Variants in RPL3 observed in about 807,000 individuals in gnomAD.
RPL3 encodes the protein ribosomal protein L3, also known as large ribosomal subunit protein uL3.
In RPL3, 3 loss-of-function variants were observed where a neutral mutation model predicts 46.0. The ratio of observed to expected loss-of-function variants is 0.07; its 90% CI spans 0.03 to 0.17. RPL3 has a LOEUF of 0.17. Among genes scored for constraint, RPL3 ranks in the 10% least tolerant of loss-of-function variants. RPL3 has a pLI of 1.00. For missense variants in RPL3, 387 were observed against 532.7 expected (o/e 0.73, Z 2.69); for synonymous variants, 224 against 190.8 (o/e 1.17, Z -1.43).
chr22:39,314,495 C>T (rs1922556105), intron 6 of RPL3, 191 bp downstream of exon 6: 3 of 697,190 alleles, frequency 4.3e-6, no homozygotes, highest in Non-Finnish European at 2.3e-6. Context: ...TCAGCCCCAC[C>T]ACAGCCACTC....
intron 4 of RPL3, 105 bp downstream of exon 4, chr22:39,316,601 C>T: frequency 6.8e-7 from 1 of 1,466,566 alleles, no homozygotes; most frequent in South Asian, 1.2e-5. Flanking sequence ...CCTCTGCTGG[C>T]AAGGGAGAAG....
chr22:39,314,144 G>T lies in RPL3; in HGVS notation c.914C>A (p.Thr305Asn). ...GCTCTTGTCAGATAGGTCATAGTCAGTGGAGGCATTGTTCTTGATCAGCTT... is the reference window on the plus strand; with the variant it reads ...GCTCTTGTCAGATAGGTCATAGTCATTGGAGGCATTGTTCTTGATCAGCTT... ...DGKLIKNNAS[T>N]DYDLSDKSIN... is the part of the protein sequence containing the mutation. The change falls in exon 7 of 10, where the codon ACT becomes AAT. Residue 305 changes from threonine to asparagine, a missense_variant. By Grantham distance (65) the Thr-to-Asn change is moderately conservative (BLOSUM62 0). Coordinates refer to ENST00000216146, the MANE Select transcript of RPL3 (RefSeq NM_000967.4). 6.2e-7 allele frequency: 1 copy of T among 1,613,350 alleles called. No homozygotes were observed. Among genetic ancestry groups the T allele is most frequent in the South Asian group, 1.1e-5 (1 of 91,050 alleles).
chr22:39,316,634 C>T (rs1466682209), intron 4 of RPL3, 72 bp downstream of exon 4: 12 of 1,594,840 alleles, frequency 7.5e-6, no homozygotes, highest in South Asian at 1.1e-5. Flanking sequence ...CGTGCGGGCA[C>T]GGGACCCCCA....
At chr22:39,314,052 C>T in intron 7 of RPL3, 55 bp downstream of exon 7, 1 of 1,477,234 alleles carries the variant, frequency 6.8e-7, no homozygotes, top group Non-Finnish European at 9.5e-7. Context: ...AGCAGCCTAT[C>T]CCCAAAAGCA....
chr22:39,319,480 C>A, intron 1 of RPL3, 115 bp downstream of exon 1: 1 of 1,411,008 alleles, frequency 7.1e-7, no homozygotes, highest in Non-Finnish European at 9.8e-7. Context: ...GCTGGGTCGC[C>A]CGTGCCCCTA....
At chr22:39,314,430 C>G (rs532342261) in intron 6 of RPL3, 1 of 625,382 alleles carries the variant, frequency 1.6e-6, no homozygotes, top group Non-Finnish European at 2.8e-6. Flanking sequence ...AGGCCTGTCA[C>G]CCCCCTGGTG....
At chr22:39,314,435 CT>C (rs1383649997) in intron 6 of RPL3, 4 of 626,138 alleles carry the variant, frequency 6.4e-6, no homozygotes, top group Non-Finnish European at 1.1e-5. Context: ...TGTCACCCCC[CT>C]GGTGGTGGCA....
At chr22:39,314,256 C>T in intron 6 of RPL3, 48 bp from the exon 7 acceptor site, 2 of 1,508,976 alleles carry the variant, frequency 1.3e-6, no homozygotes, top group Non-Finnish European at 1.8e-6. Context: ...GGACAAATAA[C>T]CCAGACATGC....
At chr22:39,319,520 G>T in intron 1 of RPL3, 75 bp downstream of exon 1, 4 of 1,547,342 alleles carry the variant, frequency 2.6e-6, no homozygotes, top group Non-Finnish European at 3.5e-6. Context: ...GCCAAGACGG[G>T]ATGGCGGCGA....
rs536032748 is a variant in RPL3, at chr22:39,315,630, G to A, written c.502-75C>T. 173 of 1,550,826 alleles carry A rather than the reference G, an allele frequency of 1.1e-4. 1 individual carries two copies. The highest frequency in any genetic ancestry group is 5.4e-4 in the African/African-American group (40 of 73,752). On this transcript the variant is annotated intron_variant, in intron 4 of 9. Transcript: ENST00000216146. ...CAGCAGAGGAACTGCAGCTCCATGC[G>A]GCCTGATTGATGTCAAGCACACGGC...
intron 4 of RPL3, 97 bp from the exon 5 acceptor site, chr22:39,315,652 C>G (rs1922640754): frequency 7.1e-7 from 1 of 1,413,002 alleles, no homozygotes; most frequent in Admixed American, 2.1e-5. Context: ...GTCAAGCACA[C>G]GGCAAAAAGC....
Position 39,314,234 on chromosome 22 carries a change from C to G in RPL3, c.850-26G>C, listed in dbSNP as rs1194834710. 5 of 1,601,796 alleles carry G rather than the reference C, an allele frequency of 3.1e-6. No homozygotes were observed. In the Admixed American group the frequency reaches 8.3e-5, roughly 27 times the overall value. ...CTGAATGAACAAGAAGGGTGTAAGG[C>G]TGGGGCATTAGGGACAAATAACCCA... On this transcript the variant is annotated intron_variant, in intron 6 of 9. Coordinates refer to ENST00000216146, the MANE Select transcript of RPL3 (RefSeq NM_000967.4).
chr22:39,314,445 C>T (rs914264617), intron 6 of RPL3: 1 of 627,098 alleles, frequency 1.6e-6, no homozygotes, highest in Non-Finnish European at 2.8e-6. Flanking sequence ...CTGGTGGTGG[C>T]ATCAGGGACC....
intron 2 of RPL3, 65 bp downstream of exon 2, chr22:39,318,335 C>G: frequency 6.4e-7 from 1 of 1,559,582 alleles, no homozygotes; most frequent in Non-Finnish European, 8.7e-7. Flanking sequence ...CAGCTTGACT[C>G]CATCTCTACA....
chr22:39,313,560 G>T, intron 8 of RPL3, 74 bp downstream of exon 8: 1 of 1,430,652 alleles, frequency 7.0e-7, no homozygotes. Context: ...TCCCACCACA[G>T]GGCCACCAGC....
At chr22:39,316,485 C>T (rs1031074464) in intron 4 of RPL3, among the ~76,000 whole-genome samples, 2 of 152,216 alleles carry the variant, frequency 1.3e-5, no homozygotes, top group African/African-American at 4.8e-5. Context: ...GCAGCCAGTA[C>T]CTCACAACCG....
At chr22:39,315,251 A>G (rs1012555132) in intron 5 of RPL3, 118 bp downstream of exon 5, 5 of 1,369,030 alleles carry the variant, frequency 3.7e-6, no homozygotes, top group Non-Finnish European at 5.2e-6. Context: ...ATGGTTCTAC[A>G]CTGTCCGATT....
At chr22:39,319,022 A>G (rs375567920) in intron 1 of RPL3, 1 of 538,328 alleles carries the variant, frequency 1.9e-6, no homozygotes, top group Non-Finnish European at 3.8e-6. Flanking sequence ...TTACACTGAT[A>G]CACACAGGCC....
At position 39,318,396 on chromosome 22, in the gene RPL3, A is replaced by G. The variant is rs377411841; in HGVS notation, c.196+4T>C. 6.2e-6 allele frequency: 10 copies of G among 1,613,322 alleles called. No homozygotes were observed. The African/African-American group carries it at 1.2e-4, about 19-fold the overall frequency. On this transcript the variant is annotated splice_donor_region_variant and intron_variant, in intron 2 of 9. Coordinates refer to ENST00000216146, the MANE Select transcript of RPL3 (RefSeq NM_000967.4). ...CCCCCAACTTTTAGGATGTCTGTAC[A>G]TACTGGATCCCGGCCTGTCGACTTC...
Sources: allele counts gnomAD v4.1 joint callset (sites outside exome capture counted in the v4.1 genomes callset), GRCh38; gene constraint gnomAD v4.1.1; transcripts MANE v1.5; gene names NCBI Gene and HGNC (gene_info 2026-07-23, HGNC 2026-07-21).